The following ARHGEF4 variants were observed in gnomAD, a reference collection of about 807,000 sequenced individuals.
The protein encoded by ARHGEF4 is Rho guanine nucleotide exchange factor 4.
In ARHGEF4, 119 loss-of-function variants were observed where a neutral mutation model predicts 162.0. The observed-to-expected ratio is 0.73, with a 90% CI of 0.63 to 0.86. The LOEUF (loss-of-function observed/expected upper bound fraction) is 0.86. Among genes scored for constraint, ARHGEF4 ranks in the 40% least tolerant of loss-of-function variants. The pLI is 0.00. For synonymous variants in ARHGEF4, 1,014 were observed against 979.9 expected, an observed-to-expected ratio of 1.03 and a Z score of -0.65; for missense variants, 2,488 against 2,456.0, an observed-to-expected ratio of 1.01 and a Z score of -0.28.
At position 130,931,228 on chromosome 2, in the gene ARHGEF4, A is replaced by G. The variant is rs190450788; in HGVS notation, c.3829A>G (p.Ile1277Val). ...KQAHVERRLH[I>V]GAVHKDGVKC... is the part of the protein sequence containing the mutation. ...GGCCCACGTCGAAAGGAGGCTGCAC[A>G]TAGGGGCAGTGCACAAAGATGGAGT... is the stretch of plus-strand genomic sequence containing the variant. The change falls in exon 3 of 14, where the codon ATA (isoleucine) becomes GTA (valine). Residue 1277 changes from isoleucine (I) to valine (V), a missense_variant. By Grantham distance (29) the Ile-to-Val change is conservative. Coordinates refer to ENST00000409359, the MANE Select transcript of ARHGEF4 (RefSeq NM_001367493.1). 1.4e-5 allele frequency: 23 copies of G among 1,612,210 alleles called. No individual in the cohort carries two copies. In the African/African-American group the frequency reaches 2.7e-4, roughly 19 times the overall value.
chr2:130,955,377 T>G (rs1371660188), intron 4 of ARHGEF4, among the ~76,000 whole-genome samples: 1 of 152,212 alleles, frequency 6.6e-6, no homozygotes, highest in African/African-American at 2.4e-5. Context: ...ACTGGGCATT[T>G]TAGATAATAT....
At position 131,041,321 on chromosome 2, in the gene ARHGEF4, T is replaced by C; in HGVS notation, c.4754T>C (p.Val1585Ala). The C allele has an allele frequency of 6.2e-7, 1 of 1,613,776 alleles. No homozygotes were observed. The highest frequency in any genetic ancestry group is 8.5e-7 in the Non-Finnish European group (1 of 1,180,002). ...LSRLTKLSKY[V>A]YFFEACRLLQ... ...CGGCTCACCAAGCTCAGCAAGTACG[T>C]GTACTTCTTCGAGGCCTGCCGGCTG... Residue 1585 changes from valine to alanine, a missense_variant, in exon 9 of 14, where the codon GTG becomes GCG. Transcript: ENST00000409359.
chr2:130,848,703 T>C (rs751146497), intron 1 of ARHGEF4, among the ~76,000 whole-genome samples: 2 of 152,112 alleles, frequency 1.3e-5, no homozygotes, highest in African/African-American at 2.4e-5. Context: ...GTGCATGTTT[T>C]AGTGAGGGTT....
At chr2:130,887,579 G>A (rs1002926799) in intron 1 of ARHGEF4, among the ~76,000 whole-genome samples, 1 of 151,834 alleles carries the variant, frequency 6.6e-6, no homozygotes, top group African/African-American at 2.4e-5. Context: ...TACTAGTTAC[G>A]TATGTGTTTG....
chr2:130,993,910 A>T (rs1303007518), intron 4 of ARHGEF4, among the ~76,000 whole-genome samples: 1 of 152,034 alleles, frequency 6.6e-6, no homozygotes, highest in Non-Finnish European at 1.5e-5. Flanking sequence ...CATCCCCCTG[A>T]GTAGATGGGA....
chr2:130,933,862 C>A (rs1360860775), intron 3 of ARHGEF4, among the ~76,000 whole-genome samples: 1 of 152,144 alleles, frequency 6.6e-6, no homozygotes, highest in African/African-American at 2.4e-5. Flanking sequence ...AAGATTACAT[C>A]ATTTATAAAA....
intron 1 of ARHGEF4, among the ~76,000 whole-genome samples, chr2:130,883,052 C>T (rs1365268651): frequency 6.6e-6 from 1 of 152,092 alleles, no homozygotes; most frequent in South Asian, 2.1e-4. Flanking sequence ...CTCCTGTCCC[C>T]TTTCTACCTC....
intron 1 of ARHGEF4, among the ~76,000 whole-genome samples, chr2:130,911,723 G>T (rs1031850651): frequency 5.9e-5 from 9 of 152,126 alleles, no homozygotes; most frequent in African/African-American, 2.2e-4. Context: ...GAGACTGAGG[G>T]AGGCCTCTTG....
At chr2:130,892,837 G>A (rs969239074) in intron 1 of ARHGEF4, among the ~76,000 whole-genome samples, 3 of 152,162 alleles carry the variant, frequency 2.0e-5, no homozygotes, top group Admixed American at 1.3e-4. Flanking sequence ...CATTCAGGGT[G>A]CAGCTTGGGG....
At chr2:130,899,652 C>T (rs1157688077) in intron 1 of ARHGEF4, among the ~76,000 whole-genome samples, 1 of 152,164 alleles carries the variant, frequency 6.6e-6, no homozygotes, top group Non-Finnish European at 1.5e-5. Context: ...TCTGATGGTG[C>T]TCTGGGGATG....
At chr2:130,880,736 T>C (rs1679133465) in intron 1 of ARHGEF4, among the ~76,000 whole-genome samples, 1 of 152,174 alleles carries the variant, frequency 6.6e-6, no homozygotes, top group South Asian at 2.1e-4. Context: ...GGTTTCACTA[T>C]GCTGCCCAGG....
chr2:130,976,577 G>T (rs1374356507), intron 4 of ARHGEF4, among the ~76,000 whole-genome samples: 1 of 152,178 alleles, frequency 6.6e-6, no homozygotes, highest in African/African-American at 2.4e-5. Context: ...GATTCACAGG[G>T]AGGAGACAGG....
At chr2:130,931,833 A>G (rs966383301) in intron 3 of ARHGEF4, among the ~76,000 whole-genome samples, 1 of 152,174 alleles carries the variant, frequency 6.6e-6, no homozygotes, top group Non-Finnish European at 1.5e-5. Flanking sequence ...CCCTTTATAA[A>G]TAGCAATATT....
chr2:131,012,225 G>T (rs1313483138), intron 4 of ARHGEF4, among the ~76,000 whole-genome samples: 1 of 152,034 alleles, frequency 6.6e-6, no homozygotes, highest in Non-Finnish European at 1.5e-5. Context: ...GAGAGGTGTG[G>T]AGAGGGTTGG....
At position 131,006,619 on chromosome 2, in the gene ARHGEF4, G is replaced by A. The variant is rs142902221; in HGVS notation, c.3986-21326G>A. ...TAGATTCTCACCATTTTCCCAAACA[G>A]GAAATCCTTCCAGAGTAGAATCTTA... On this transcript the variant is annotated intron_variant, in intron 4 of 13. Transcript: ENST00000409359. 3.5e-4 allele frequency among the ~76,000 whole-genome samples: 54 copies of A among 152,350 alleles called. 1 individual carries two copies. The highest frequency in any genetic ancestry group is 1.1e-3 in the African/African-American group (45 of 41,580).
chr2:130,917,377 G>A lies in ARHGEF4; in HGVS notation c.3431G>A (p.Ser1144Asn). Residue 1144 changes from serine to asparagine, a missense_variant, in exon 2 of 14, where the codon AGT (serine) becomes AAT (asparagine). Physicochemically the swap from Ser to Asn is conservative, Grantham distance 46 (BLOSUM62 1). Coordinates refer to ENST00000409359, the MANE Select transcript of ARHGEF4 (RefSeq NM_001367493.1). ...ERPKIPKGQT[S>N]FLLSLQTLNQ... ...CCCAAGATTCCCAAGGGCCAGACCA[G>A]TTTCCTGCTTTCTCTGCAGACGCTA... The A allele has an allele frequency of 1.3e-6, 2 of 1,550,644 alleles. No individual in the cohort carries two copies. Among genetic ancestry groups the A allele is most frequent in the South Asian group, 2.4e-5 (2 of 84,064 alleles).
At chr2:131,024,437 G>A (rs1196757890) in intron 4 of ARHGEF4, among the ~76,000 whole-genome samples, 2 of 152,090 alleles carry the variant, frequency 1.3e-5, no homozygotes, top group African/African-American at 2.4e-5. Flanking sequence ...CACCATGCCC[G>A]CCTAATTTTC....
Position 130,870,844 on chromosome 2 carries a change from C to T in ARHGEF4, c.39+33852C>T, listed in dbSNP as rs148120786. ...GCAGGGAAGGCTTCCCAGGGGAGCT[C>T]GAAGCTGGCTGACTCTTGGCTAGGT... On this transcript the variant is annotated intron_variant, in intron 1 of 13. Coordinates refer to ENST00000409359, the MANE Select transcript of ARHGEF4 (RefSeq NM_001367493.1). Among the ~76,000 whole-genome samples, 610 of 152,086 alleles carry T rather than the reference C, an allele frequency of 4.0e-3. 5 individuals are homozygous for T. The highest frequency in any genetic ancestry group is 6.7e-3 in the Admixed American group (102 of 15,276).
chr2:130,977,680 G>A (rs371728433), intron 4 of ARHGEF4, among the ~76,000 whole-genome samples: 22 of 151,896 alleles, frequency 1.4e-4, no homozygotes, highest in Middle Eastern at 3.4e-3. Context: ...GTGTGTGTGC[G>A]CTGTGTGCAT....
Sources: gnomAD v4.1 joint callset for allele counts (sites outside exome capture counted in the v4.1 genomes callset) on GRCh38, gnomAD v4.1.1 for gene constraint, MANE v1.5 for transcripts, NCBI Gene and HGNC (gene_info 2026-07-23, HGNC 2026-07-21) for gene names.